DAD1: variants seen among roughly 807,000 people sequenced by gnomAD.
DAD1 encodes dolichyl-diphosphooligosaccharide--protein glycosyltransferase subunit DAD1.
Under a neutral mutation model 9.0 loss-of-function variants are expected in DAD1, and 4 were observed. The observed-to-expected ratio is 0.44, with a 90% confidence interval of 0.22 to 1.01. The LOEUF (loss-of-function observed/expected upper bound fraction) is 1.01, where lower values mean the gene tolerates loss of function less well. DAD1 is among the 50% of genes least tolerant of loss of function. The probability of loss-of-function intolerance (pLI) is 0.24; values close to 1 mark genes in which losing one functional copy is unlikely to be tolerated. For synonymous variants in DAD1, 60 were observed against 62.5 expected (o/e 0.96, Z 0.19); for missense variants, 119 against 137.3 (o/e 0.87, Z 0.67).
intron 2 of DAD1, among the ~76,000 whole-genome samples, chr14:22,573,258 C>T (rs1380668500): frequency 6.6e-6 from 1 of 151,888 alleles, no homozygotes; most frequent in Non-Finnish European, 1.5e-5. Flanking sequence ...AGCAATCGCC[C>T]ACCTCGCCTT....
intron 1 of DAD1, among the ~76,000 whole-genome samples, chr14:22,578,174 T>C (rs554585178): frequency 6.6e-6 from 1 of 151,196 alleles, no homozygotes; most frequent in African/African-American, 2.4e-5. Flanking sequence ...GGCAGGAGAA[T>C]TGGTGGAGGT....
chr14:22,575,300 CAG>C (rs2037069020), intron 1 of DAD1, 67 bp from the exon 2 acceptor site: 1 of 1,548,942 alleles, frequency 6.5e-7, no homozygotes, highest in Non-Finnish European at 8.8e-7. Flanking sequence ...CTAATGAACA[CAG>C]ACATACCCGA....
intron 1 of DAD1, among the ~76,000 whole-genome samples, chr14:22,585,596 C>G (rs756402352): frequency 4.6e-5 from 7 of 152,186 alleles, no homozygotes; most frequent in Non-Finnish European, 7.3e-5. Context: ...AAAAAAAGAT[C>G]TCTCAATGAC....
chr14:22,572,683 C>G (rs778195016), intron 2 of DAD1, among the ~76,000 whole-genome samples: 8 of 152,182 alleles, frequency 5.3e-5, no homozygotes, highest in Non-Finnish European at 1.2e-4. Context: ...GTAGAGTCTT[C>G]CTCCAATCAT....
At chr14:22,572,090 C>A (rs1009583136) in intron 2 of DAD1, among the ~76,000 whole-genome samples, 2 of 152,082 alleles carry the variant, frequency 1.3e-5, no homozygotes, top group Non-Finnish European at 2.9e-5. Flanking sequence ...CTTACTTCCC[C>A]TTGAATTGTT....
intron 2 of DAD1, among the ~76,000 whole-genome samples, chr14:22,567,857 A>G (rs1242703838): frequency 1.3e-5 from 2 of 152,322 alleles, no homozygotes; most frequent in Admixed American, 6.5e-5. Flanking sequence ...AGTATGGCCA[A>G]CTATGCAGAA....
chr14:22,581,531 C>T (rs1030190467), intron 1 of DAD1, among the ~76,000 whole-genome samples: 1 of 150,866 alleles, frequency 6.6e-6, no homozygotes, highest in African/African-American at 2.4e-5. Flanking sequence ...AACCTGAGGT[C>T]GGGAGTTCGA....
At chr14:22,577,366 G>A (rs2037084487) in intron 1 of DAD1, among the ~76,000 whole-genome samples, 1 of 152,168 alleles carries the variant, frequency 6.6e-6, no homozygotes, top group African/African-American at 2.4e-5. Context: ...CCCAGGAGGT[G>A]GAGGCTGCAG....
rs568640761 is a variant in DAD1 at position 22,589,201 on chromosome 14, G to A, written c.-44C>T. ...CCGGTCCGCGCCCCAAACTCTTGGA[G>A]GACCCGTCGACCACACCGGATGTGC... On this transcript the variant is annotated 5_prime_UTR_variant, in exon 1 of 3. Coordinates refer to ENST00000250498, the MANE Select transcript of DAD1 (RefSeq NM_001344.4). The A allele has an allele frequency of 7.5e-6, 12 of 1,601,942 alleles. No homozygotes were observed. The highest frequency in any genetic ancestry group is 4.4e-5 in the South Asian group (4 of 90,508).
chr14:22,580,855 C>A (rs1566373611), intron 1 of DAD1, among the ~76,000 whole-genome samples: 1 of 152,182 alleles, frequency 6.6e-6, no homozygotes, highest in East Asian at 1.9e-4. Context: ...TAAGCCACCT[C>A]CAGATGGAGA....
chr14:22,575,049 C>A lies in DAD1; in HGVS notation c.*44+10G>T. The A allele has an allele frequency of 3.1e-6, 5 of 1,596,022 alleles. No individual in the cohort carries two copies. The highest frequency in any genetic ancestry group is 1.3e-5 in the African/African-American group (1 of 74,534). ...AACATTATAGGACAAGGACTATGAT[C>A]ATCACTTACATTCTTTTAGTCTCCT... On this transcript the variant is annotated intron_variant, in intron 2 of 2. Coordinates refer to ENST00000250498, the MANE Select transcript of DAD1 (RefSeq NM_001344.4).
intron 2 of DAD1, among the ~76,000 whole-genome samples, chr14:22,571,625 CTTTTTT>C (rs869205395): frequency 4.6e-5 from 5 of 109,826 alleles, no homozygotes; most frequent in African/African-American, 1.6e-4. Flanking sequence ...GCAAGGGGCT[CTTTTTT>C]TTTTTTTTTT....
chr14:22,579,225 A>T (rs2037099167), intron 1 of DAD1, among the ~76,000 whole-genome samples: 1 of 152,080 alleles, frequency 6.6e-6, no homozygotes. Flanking sequence ...ATTGACAAAA[A>T]AAAAAAAACA....
At chr14:22,572,199 G>T (rs1056796943) in intron 2 of DAD1, among the ~76,000 whole-genome samples, 1 of 147,882 alleles carries the variant, frequency 6.8e-6, no homozygotes, top group East Asian at 1.9e-4. Context: ...CTATATTACA[G>T]AATTTTTTTT....
intron 2 of DAD1, among the ~76,000 whole-genome samples, chr14:22,571,616 C>CAAGGGG (rs1018680815): frequency 1.4e-5 from 2 of 140,332 alleles, no homozygotes; most frequent in Admixed American, 7.4e-5. Context: ...AGATTTCTAG[C>CAAGGGG]AAGGGGCTCT....
intron 1 of DAD1, among the ~76,000 whole-genome samples, chr14:22,579,571 A>T (rs2037100904): frequency 1.3e-5 from 2 of 152,232 alleles, no homozygotes; most frequent in South Asian, 2.1e-4. Flanking sequence ...AGATTCATTC[A>T]TCCACTTGGG....
At chr14:22,585,926 G>T (rs941294732) in intron 1 of DAD1, among the ~76,000 whole-genome samples, 1 of 152,222 alleles carries the variant, frequency 6.6e-6, no homozygotes, top group Non-Finnish European at 1.5e-5. Context: ...CACCCTCAGT[G>T]CCGGGTGTGG....
intron 1 of DAD1, among the ~76,000 whole-genome samples, chr14:22,588,095 G>A (rs5742734): frequency 0.036 from 5,418 of 152,140 alleles, 279 homozygotes; most frequent in African/African-American, 0.11. Context: ...AACTCTTTAC[G>A]GATAAAGAAC....
rs2037174007 is a variant in DAD1 at position 22,589,072 on chromosome 14, G to C, written c.86C>G (p.Ala29Gly). The change falls in exon 1 of 3, where the codon GCG (alanine) becomes GGG (glycine). Residue 29 changes from alanine (A) to glycine (G), a missense_variant. By Grantham distance (60) the Ala-to-Gly change is moderately conservative. Coordinates refer to ENST00000250498, the MANE Select transcript of DAD1 (RefSeq NM_001344.4). ...STPQRLKLLDAYLLYILLTGA... is the reference protein window; with the variant it reads ...STPQRLKLLDGYLLYILLTGA... ...GGTCAGCAGTATATACAGCAGGTACGCGTCCAGCAACTTCAGACGCTGCGG... is the reference window on the plus strand; with the variant it reads ...GGTCAGCAGTATATACAGCAGGTACCCGTCCAGCAACTTCAGACGCTGCGG... 2.5e-6 allele frequency: 4 copies of C among 1,614,074 alleles called. No individual in the cohort carries two copies. In the South Asian group the frequency reaches 3.3e-5, roughly 13 times the overall value.
Sources: gnomAD v4.1 joint callset for allele counts (sites outside exome capture counted in the v4.1 genomes callset) on GRCh38, gnomAD v4.1.1 for gene constraint, MANE v1.5 for transcripts, NCBI Gene and HGNC (gene_info 2026-07-23, HGNC 2026-07-21) for gene names.